Variants in FAM117A observed in about 807,000 individuals in gnomAD.
The protein encoded by FAM117A is protein FAM117A.
Under a neutral mutation model 44.1 loss-of-function variants are expected in FAM117A, and 21 were observed. The observed-to-expected ratio is 0.48, with a 90% CI of 0.34 to 0.69. FAM117A has a LOEUF of 0.69. Ranked by LOEUF, FAM117A falls within the 30% of genes least tolerant of loss-of-function variation. The pLI is 0.01. For missense variants in FAM117A, 498 were observed against 589.9 expected, an observed-to-expected ratio of 0.84 and a Z score of 1.61; for synonymous variants, 220 against 238.3, an observed-to-expected ratio of 0.92 and a Z score of 0.71.
chr17:49,732,509 C>T, intron 2 of FAM117A, 42 bp downstream of exon 2: 7 of 1,603,726 alleles, frequency 4.4e-6, no homozygotes, highest in Non-Finnish European at 6.0e-6. Flanking sequence ...GCTCTCCCGC[C>T]CCATCCTTAT....
chr17:49,751,610 A>C (rs2073677903), intron 1 of FAM117A, among the ~76,000 whole-genome samples: 1 of 151,858 alleles, frequency 6.6e-6, no homozygotes, highest in Non-Finnish European at 1.5e-5. Context: ...TAAACAAACA[A>C]GAAAGAAAGG....
intron 7 of FAM117A, among the ~76,000 whole-genome samples, chr17:49,715,310 C>A (rs144881810): frequency 5.3e-5 from 8 of 152,258 alleles, no homozygotes; most frequent in Non-Finnish European, 1.2e-4. Flanking sequence ...GGTTATTGCT[C>A]CCTTATTTGA....
intron 7 of FAM117A, among the ~76,000 whole-genome samples, chr17:49,713,681 AC>A (rs2073488530): frequency 6.6e-6 from 1 of 151,514 alleles, no homozygotes; most frequent in African/African-American, 2.4e-5. Flanking sequence ...TAATATTTTA[AC>A]ATTTTTTGTA....
chr17:49,732,647 G>A lies in FAM117A; in HGVS notation c.270C>T (p.Phe90=), dbSNP rs377253020. 6.2e-7 allele frequency: 1 copy of A among 1,614,128 alleles called. No individual in the cohort carries two copies. Among genetic ancestry groups the A allele is most frequent in the Non-Finnish European group, 8.5e-7 (1 of 1,179,994 alleles). The part of the protein sequence containing the change: ...RPQPLQVRRT[F]SLDTILSSYL... ...AGGAGCTGAGGATGGTGTCCAGGGA[G>A]AATGTACGCCGGACCTGAAGTGGCT... Residue 90 remains phenylalanine (F), a synonymous_variant, in exon 2 of 8, where the codon TTC becomes TTT. Transcript: ENST00000240364.
intron 2 of FAM117A, among the ~76,000 whole-genome samples, chr17:49,724,190 G>A (rs1043747070): frequency 6.6e-6 from 1 of 152,062 alleles, no homozygotes; most frequent in Non-Finnish European, 1.5e-5. Context: ...CAGCCACCTC[G>A]ACCCAGCAGA....
chr17:49,786,342 T>C (rs2073805758), intron 1 of FAM117A, among the ~76,000 whole-genome samples: 1 of 152,232 alleles, frequency 6.6e-6, no homozygotes, highest in African/African-American at 2.4e-5. Flanking sequence ...GATAAGATCT[T>C]ATTCTAAAAC....
At chr17:49,715,527 C>T (rs780507562) in intron 7 of FAM117A, among the ~76,000 whole-genome samples, 1 of 152,168 alleles carries the variant, frequency 6.6e-6, no homozygotes, top group Non-Finnish European at 1.5e-5. Context: ...GCTCTCAATT[C>T]TTTCGGCTAA....
intron 2 of FAM117A, among the ~76,000 whole-genome samples, chr17:49,728,309 C>G (rs762207263): frequency 3.9e-5 from 6 of 152,058 alleles, no homozygotes; most frequent in Non-Finnish European, 8.8e-5. Flanking sequence ...GGATAGTACA[C>G]AGGTAGGGGA....
chr17:49,736,536 C>T (rs1255941702), intron 1 of FAM117A, among the ~76,000 whole-genome samples: 4 of 152,216 alleles, frequency 2.6e-5, no homozygotes, highest in African/African-American at 9.7e-5. Flanking sequence ...TGAGCCACTG[C>T]ACCCGGCCCA....
chr17:49,720,802 C>T (rs1295269241), intron 3 of FAM117A, among the ~76,000 whole-genome samples: 2 of 152,014 alleles, frequency 1.3e-5, no homozygotes, highest in Non-Finnish European at 2.9e-5. Flanking sequence ...TCACTGCAAC[C>T]TCCACCAGGT....
chr17:49,712,043 G>A (rs1047247052), intron 7 of FAM117A, among the ~76,000 whole-genome samples: 1 of 152,222 alleles, frequency 6.6e-6, no homozygotes, highest in African/African-American at 2.4e-5. Flanking sequence ...CTATTCAGAA[G>A]GCTGAGGCAG....
chr17:49,757,356 A>C (rs2073703139), intron 1 of FAM117A, among the ~76,000 whole-genome samples: 1 of 152,092 alleles, frequency 6.6e-6, no homozygotes, highest in Admixed American at 6.5e-5. Flanking sequence ...GCATTCTTTT[A>C]AGTTCATTAA....
intron 1 of FAM117A, among the ~76,000 whole-genome samples, chr17:49,774,299 C>T (rs569322125): frequency 2.5e-4 from 38 of 152,234 alleles, no homozygotes; most frequent in African/African-American, 9.1e-4. Context: ...CAGGCAGTCG[C>T]CACACCTGGC....
chr17:49,749,575 C>CAAAAAA (rs1167215497), intron 1 of FAM117A, among the ~76,000 whole-genome samples: 3 of 45,876 alleles, frequency 6.5e-5, no homozygotes, highest in African/African-American at 7.1e-5. Context: ...GACTCCGTCT[C>CAAAAAA]AAAAAAAAAA....
intron 5 of FAM117A, chr17:49,718,054 CAA>C (rs1003958998): frequency 7.8e-5 from 14 of 180,112 alleles, no homozygotes; most frequent in Non-Finnish European, 1.3e-4. Context: ...TCTAGGAACA[CAA>C]AGATGATAAC....
At chr17:49,718,570 C>T (rs1045536982) in intron 5 of FAM117A, among the ~76,000 whole-genome samples, 3 of 151,942 alleles carry the variant, frequency 2.0e-5, no homozygotes, top group Non-Finnish European at 4.4e-5. Context: ...ACTCGGGAGG[C>T]TGAGGCAGGA....
chr17:49,757,262 A>G (rs1050261664), intron 1 of FAM117A, among the ~76,000 whole-genome samples: 1 of 152,140 alleles, frequency 6.6e-6, no homozygotes, highest in Admixed American at 6.5e-5. Flanking sequence ...AGGGCAGGGT[A>G]AATGTCTGTA....
At chr17:49,716,392 AAAGT>A (rs1398127321) in intron 6 of FAM117A, 77 bp from the exon 7 acceptor site, 1 of 1,335,168 alleles carries the variant, frequency 7.5e-7, no homozygotes, top group African/African-American at 1.5e-5. Flanking sequence ...ACTGAGGTGT[AAAGT>A]GGCAAGGCTG....
intron 2 of FAM117A, 150 bp from the exon 3 acceptor site, chr17:49,722,744 A>G: frequency 1.6e-6 from 1 of 633,562 alleles, no homozygotes. Flanking sequence ...GTTCTTCTTC[A>G]GGCTTCTCCA....
Sources: allele counts gnomAD v4.1 joint callset (sites outside exome capture counted in the v4.1 genomes callset), GRCh38; gene constraint gnomAD v4.1.1; transcripts MANE v1.5; gene names NCBI Gene and HGNC (gene_info 2026-07-23, HGNC 2026-07-21).